The following PRKCQ variants were observed in gnomAD, a reference collection of about 807,000 sequenced individuals.
PRKCQ encodes protein kinase C theta, also known as protein kinase C theta type.
PRKCQ carries 41 observed loss-of-function variants against 91.2 expected under a neutral mutation model. The observed-to-expected ratio is 0.45, with a 90% CI of 0.35 to 0.58. The LOEUF is 0.58. Ranked by LOEUF, PRKCQ falls within the 20% of genes least tolerant of loss-of-function variation. The probability of loss-of-function intolerance (pLI) is 0.00; values close to 1 mark genes in which losing one functional copy is unlikely to be tolerated. For missense variants in PRKCQ, 673 were observed against 896.5 expected, an observed-to-expected ratio of 0.75 and a Z score of 3.18; for synonymous variants, 307 against 316.9, an observed-to-expected ratio of 0.97 and a Z score of 0.33.
chr10:6,475,985 G>C (rs1836247556), intron 12 of PRKCQ, among the ~76,000 whole-genome samples: 2 of 152,060 alleles, frequency 1.3e-5, no homozygotes, highest in Non-Finnish European at 2.9e-5. Flanking sequence ...CACCAATGCT[G>C]TGGATGCACT....
Position 6,428,381 on chromosome 10 carries a change from GAAGA to G in PRKCQ, c.1966-23_1966-20del, listed in dbSNP as rs760942371. 5 of 1,604,456 alleles carry G rather than the reference GAAGA, an allele frequency of 3.1e-6. No homozygotes were observed. The South Asian group carries it at 3.3e-5, about 11-fold the overall frequency. On this transcript the variant is annotated intron_variant, in intron 17 of 17. Coordinates refer to ENST00000263125, the MANE Select transcript of PRKCQ (RefSeq NM_006257.5). ...GTGATTTCTTAGTCAGAGTTTAAGG[GAAGA>G]AAGAAAGAGAAGAAAAATCAGCCAT...
In PRKCQ at chr10:6,473,662, T is replaced by C. The variant is rs576977284; in HGVS notation, c.1353+5330A>G. 3.3e-5 allele frequency among the ~76,000 whole-genome samples: 5 copies of C among 152,334 alleles called. No individual in the cohort carries two copies. In the East Asian group the frequency reaches 9.6e-4, roughly 29 times the overall value. On this transcript the variant is annotated intron_variant, in intron 12 of 17. Coordinates refer to ENST00000263125, the MANE Select transcript of PRKCQ (RefSeq NM_006257.5). The stretch of plus-strand genomic sequence containing the variant: ...TGTGGTTTCCGTGGGTTTTCTTTTC[T>C]TTGCTACAATTGTGGTAATTTCCAG...
intron 12 of PRKCQ, among the ~76,000 whole-genome samples, chr10:6,477,795 G>A (rs950424389): frequency 1.2e-4 from 19 of 152,340 alleles, no homozygotes; most frequent in African/African-American, 4.6e-4. Flanking sequence ...TTGAACCCGG[G>A]AGGCGGAGGT....
At chr10:6,507,912 C>T (rs1838277718) in intron 3 of PRKCQ, among the ~76,000 whole-genome samples, 5 of 152,162 alleles carry the variant, frequency 3.3e-5, no homozygotes, top group African/African-American at 1.2e-4. Context: ...TAAATCCTGC[C>T]TCTTTGAGGC....
chr10:6,516,395 T>C (rs1838757411), intron 1 of PRKCQ, among the ~76,000 whole-genome samples: 1 of 152,214 alleles, frequency 6.6e-6, no homozygotes, highest in Non-Finnish European at 1.5e-5. Flanking sequence ...GTAAACATCA[T>C]GATTTGCTGG....
intron 16 of PRKCQ, among the ~76,000 whole-genome samples, chr10:6,439,885 T>G (rs79863930): frequency 0.018 from 2,751 of 152,282 alleles, 62 homozygotes; most frequent in East Asian, 0.072. Flanking sequence ...ACTGCTGAGC[T>G]GTTCAAAGGT....
intron 1 of PRKCQ, among the ~76,000 whole-genome samples, chr10:6,572,200 A>G (rs1841071462): frequency 6.6e-6 from 1 of 152,136 alleles, no homozygotes; most frequent in African/African-American, 2.4e-5. Context: ...AGAAAACTAA[A>G]TGCCATAGGT....
chr10:6,546,880 GCT>G lies in PRKCQ; in HGVS notation c.-9-31738_-9-31737del, dbSNP rs1195362081. ...ATTGGCTGTGGGTCTGTCATAGATA[GCT>G]CTTATTATTTTGAGATACGTCCCAT... On this transcript the variant is annotated intron_variant, in intron 1 of 17. Transcript: ENST00000263125. 8.5e-5 allele frequency among the ~76,000 whole-genome samples: 13 copies of G among 152,220 alleles called. No homozygotes were observed. The South Asian group carries it at 2.5e-3, about 29-fold the overall frequency.
chr10:6,420,452 A>T, the PRKCQ span, among the ~76,000 whole-genome samples: 2 of 152,052 alleles, frequency 1.3e-5, no homozygotes, highest in Non-Finnish European at 2.9e-5. Context: ...TCAGTCTTCC[A>T]TGGGATCCTT....
At chr10:6,552,084 T>G (rs1465865635) in intron 1 of PRKCQ, among the ~76,000 whole-genome samples, 1 of 152,208 alleles carries the variant, frequency 6.6e-6, no homozygotes, top group Non-Finnish European at 1.5e-5. Flanking sequence ...ATAGTGAACT[T>G]TTTTTCATAT....
At chr10:6,398,163 C>T in the PRKCQ span, among the ~76,000 whole-genome samples, 1 of 152,180 alleles carries the variant, frequency 6.6e-6, no homozygotes, top group Non-Finnish European at 1.5e-5. Context: ...ATTCCCTTGG[C>T]ACCTTTGTTG....
rs118144943 is a variant in PRKCQ at position 6,514,992 on chromosome 10, C to G, written c.118+26G>C. 9 of 1,612,076 alleles carry G rather than the reference C, an allele frequency of 5.6e-6. No homozygotes were observed. In the East Asian group the frequency reaches 6.7e-5, roughly 12 times the overall value. On this transcript the variant is annotated intron_variant, in intron 2 of 17. Coordinates refer to ENST00000263125, the MANE Select transcript of PRKCQ (RefSeq NM_006257.5). ...TAGCAGGATTCTCCTCCTCCTCCCC[C>G]GCTTTGAAAATCCCCTCAAGCTTAC... is the stretch of plus-strand genomic sequence containing the variant.
chr10:6,431,815 C>A (rs1412309197), intron 16 of PRKCQ, among the ~76,000 whole-genome samples: 1 of 152,184 alleles, frequency 6.6e-6, no homozygotes, highest in Non-Finnish European at 1.5e-5. Context: ...GCTGGAGGAG[C>A]AATATTTAAT....
intron 4 of PRKCQ, among the ~76,000 whole-genome samples, chr10:6,502,337 A>G (rs1837962099): frequency 6.6e-6 from 1 of 152,174 alleles, no homozygotes; most frequent in African/African-American, 2.4e-5. Context: ...AACTCCTACT[A>G]ATGTGTGGGA....
Position 6,486,102 on chromosome 10 carries a change from G to A in PRKCQ, c.833C>T (p.Ala278Val). 1 of 1,614,154 alleles carries A rather than the reference G, an allele frequency of 6.2e-7. No homozygotes were observed. Among genetic ancestry groups the A allele is most frequent in the Non-Finnish European group, 8.5e-7 (1 of 1,180,022 alleles). The stretch of plus-strand genomic sequence containing the variant: ...CTTCTGGTTTATGCCACAAAGGTTG[G>A]CCACCTTTGTCTGGCATCTATGATG... ...NVHHRCQTKV[A>V]NLCGINQKLM... is the part of the protein sequence containing the mutation. Residue 278 changes from alanine (A) to valine (V), a missense_variant, in exon 9 of 18, where the codon GCC (alanine) becomes GTC (valine). Ala to Val is a moderately conservative substitution (Grantham distance 64, BLOSUM62 0). Coordinates refer to ENST00000263125, the MANE Select transcript of PRKCQ (RefSeq NM_006257.5).
At chr10:6,560,463 C>A (rs544706629) in intron 1 of PRKCQ, among the ~76,000 whole-genome samples, 1 of 152,288 alleles carries the variant, frequency 6.6e-6, no homozygotes, top group Admixed American at 6.5e-5. Flanking sequence ...TCTGCAAACA[C>A]TGGCTGGGAG....
chr10:6,485,663 C>T (rs1021805030), intron 9 of PRKCQ, among the ~76,000 whole-genome samples: 2 of 152,154 alleles, frequency 1.3e-5, no homozygotes, highest in Admixed American at 6.5e-5. Flanking sequence ...GCCAAATTTG[C>T]CCTGGACTCG....
rs1837690392 is a variant in PRKCQ at position 6,497,608 on chromosome 10, C to A, written c.543-357G>T. On this transcript the variant is annotated intron_variant, in intron 5 of 17. Transcript: ENST00000263125. The surrounding 1 kb of genome is among the most constrained non-coding windows in gnomAD (Gnocchi z 4.5). ...CCTCGCTGAGCTCACTACAGACGAA[C>A]AAAGACATCTGTAACATTTTATTTC... Among the ~76,000 whole-genome samples the A allele has an allele frequency of 6.6e-6, 1 of 152,186 alleles. No individual in the cohort carries two copies. Among genetic ancestry groups the A allele is most frequent in the Non-Finnish European group, 1.5e-5 (1 of 68,038 alleles).
chr10:6,413,661 ACTGGATTAAATGCCACTTGTG>A, the PRKCQ span, among the ~76,000 whole-genome samples: 5 of 134,994 alleles, frequency 3.7e-5, no homozygotes, highest in African/African-American at 1.5e-4. Flanking sequence ...ACTAGGAAGC[ACTGGATTAAATGCCACTTGTG>A]CACACACACA....
Sources: allele counts gnomAD v4.1 joint callset (sites outside exome capture counted in the v4.1 genomes callset), GRCh38; gene constraint gnomAD v4.1.1; non-coding constraint Gnocchi (gnomAD v3.1); transcripts MANE v1.5; gene names NCBI Gene and HGNC (gene_info 2026-07-23, HGNC 2026-07-21).